The following MALRD1 variants were observed in gnomAD, a reference collection of about 807,000 sequenced individuals.
MALRD1 encodes MAM and LDL receptor class A domain containing 1.
MALRD1 carries 247 observed loss-of-function variants against 242.1 expected under a neutral mutation model. The observed-to-expected ratio is 1.02, with a 90% CI of 0.92 to 1.13. The LOEUF is 1.13. Among genes scored for constraint, MALRD1 ranks in the 50% most tolerant of loss-of-function variants. MALRD1 has a pLI of 0.00. For missense variants in MALRD1, 2,989 were observed against 2,533.1 expected, an observed-to-expected ratio of 1.18 and a Z score of -3.86; for synonymous variants, 995 against 866.6, an observed-to-expected ratio of 1.15 and a Z score of -2.60.
intron 28 of MALRD1, among the ~76,000 whole-genome samples, chr10:19,416,348 G>A (rs893254231): frequency 1.3e-5 from 2 of 152,132 alleles, no homozygotes; most frequent in African/African-American, 4.8e-5. Flanking sequence ...TATTCAATGT[G>A]GGAAGGGACT....
chr10:19,350,483 G>T (rs575808795), intron 25 of MALRD1, among the ~76,000 whole-genome samples: 5 of 151,894 alleles, frequency 3.3e-5, no homozygotes, highest in African/African-American at 1.2e-4. Context: ...CACCAAGTTG[G>T]CAAGGCTGGT....
chr10:19,606,159 A>G (rs74122019), intron 34 of MALRD1, among the ~76,000 whole-genome samples: 2,036 of 152,218 alleles, frequency 0.013, 34 homozygotes, highest in African/African-American at 0.047. Flanking sequence ...CTAACTCATA[A>G]TTATACTTGA....
chr10:19,368,143 T>C (rs754956468), intron 26 of MALRD1, among the ~76,000 whole-genome samples: 1 of 152,122 alleles, frequency 6.6e-6, no homozygotes, highest in African/African-American at 2.4e-5. Flanking sequence ...GTTTTATTTT[T>C]GTTTGTTTGT....
chr10:19,629,345 G>A (rs1839811759), intron 36 of MALRD1, among the ~76,000 whole-genome samples: 1 of 152,142 alleles, frequency 6.6e-6, no homozygotes, highest in African/African-American at 2.4e-5. Context: ...AAGATCTCTG[G>A]TATGACCTGA....
intron 34 of MALRD1, among the ~76,000 whole-genome samples, chr10:19,597,778 A>G (rs1330679273): frequency 6.6e-6 from 1 of 152,200 alleles, no homozygotes; most frequent in East Asian, 1.9e-4. Flanking sequence ...CTCGTGTTAG[A>G]AGGCACATAG....
chr10:19,304,657 T>C (rs1842092358), intron 21 of MALRD1, among the ~76,000 whole-genome samples: 1 of 151,778 alleles, frequency 6.6e-6, no homozygotes, highest in South Asian at 2.1e-4. Context: ...TTAACCTGCA[T>C]GTTGATTTGT....
At chr10:19,450,526 A>C in intron 29 of MALRD1, 36 bp downstream of exon 29, 3 of 1,511,390 alleles carry the variant, frequency 2.0e-6, no homozygotes, top group Non-Finnish European at 2.7e-6. Context: ...TTGGAAGCAC[A>C]TTTTTAATCT....
In MALRD1 at chr10:19,595,422, C is replaced by T. The variant is rs1309825314; in HGVS notation, c.5909C>T (p.Pro1970Leu). 1 of 1,550,178 alleles carries T rather than the reference C, an allele frequency of 6.5e-7. No individual in the cohort carries two copies. Among genetic ancestry groups the T allele is most frequent in the African/African-American group, 1.4e-5 (1 of 73,028 alleles). Reference sequence around the variant, plus strand: ...TCCCTCCTGCTATGCGATGGAGTGCCCGACTGCCACTTTAATGAAGATGAG... The same window carrying T: ...TCCCTCCTGCTATGCGATGGAGTGCTCGACTGCCACTTTAATGAAGATGAG... Reference protein sequence around the residue: ...IPSLLLCDGVPDCHFNEDELI... With the variant: ...IPSLLLCDGVLDCHFNEDELI... Residue 1970 changes from proline to leucine, a missense_variant, in exon 34 of 40, where the codon CCC becomes CTC. Coordinates refer to ENST00000454679, the MANE Select transcript of MALRD1 (RefSeq NM_001142308.3).
chr10:19,226,924 C>A (rs956156201), intron 18 of MALRD1, among the ~76,000 whole-genome samples: 1 of 151,692 alleles, frequency 6.6e-6, no homozygotes, highest in African/African-American at 2.4e-5. Flanking sequence ...TTATAATAGC[C>A]TCAAAAATAA....
intron 4 of MALRD1, among the ~76,000 whole-genome samples, chr10:19,095,571 G>T (rs750210620): frequency 3.3e-5 from 5 of 151,974 alleles, no homozygotes; most frequent in Non-Finnish European, 7.4e-5. Context: ...CTTGGATGTG[G>T]TAGGTACAAT....
intron 28 of MALRD1, among the ~76,000 whole-genome samples, chr10:19,416,724 C>T (rs947366657): frequency 2.6e-5 from 4 of 152,214 alleles, no homozygotes; most frequent in Non-Finnish European, 4.4e-5. Context: ...TTTCAAGTCT[C>T]ACCCTCTCAC....
chr10:19,171,495 CAT>C lies in MALRD1; in HGVS notation c.1831-3706_1831-3705del, dbSNP rs201134385. 9.6e-4 allele frequency among the ~76,000 whole-genome samples: 131 copies of C among 136,700 alleles called. 11 individuals carry two copies. The highest frequency in any genetic ancestry group is 3.6e-3 in the African/African-American group (123 of 33,816). The allele number at this position is 136,700 out of a possible 152,430, so 89.7% of individuals were successfully genotyped here. A position where few individuals can be genotyped will look rare whatever the true frequency, so the allele number is the denominator to read the frequency against. ...ATACACACACACATATATACACACA[CAT>C]ATATATGTGTCTATGTGTGTATATA... On this transcript the variant is annotated intron_variant, in intron 13 of 39. Transcript: ENST00000454679.
intron 14 of MALRD1, among the ~76,000 whole-genome samples, chr10:19,183,017 A>G (rs1055681498): frequency 6.6e-6 from 1 of 152,148 alleles, no homozygotes; most frequent in Non-Finnish European, 1.5e-5. Context: ...TAAAAGGAAA[A>G]TAAAAGATCA....
At chr10:19,148,050 C>G (rs1308316380) in intron 11 of MALRD1, among the ~76,000 whole-genome samples, 1 of 152,092 alleles carries the variant, frequency 6.6e-6, no homozygotes, top group Admixed American at 6.6e-5. Context: ...GATGGTGACC[C>G]AGGTAGTCAT....
chr10:19,615,936 G>T lies in MALRD1; in HGVS notation c.6137+13G>T. 2.0e-6 allele frequency: 3 copies of T among 1,477,748 alleles called. No homozygotes were observed. Among genetic ancestry groups the T allele is most frequent in the Non-Finnish European group, 2.7e-6 (3 of 1,118,952 alleles). The allele number at this position is 1,477,748 out of a possible 1,614,324, so 91.5% of individuals were successfully genotyped here. ...GTCCTATGTGTCGGTAAGAAGCATT[G>T]TTTAATTTTTTTTTTTAAGATTTTT... On this transcript the variant is annotated intron_variant, in intron 36 of 39. Transcript: ENST00000454679.
intron 28 of MALRD1, among the ~76,000 whole-genome samples, chr10:19,422,634 C>T (rs938538101): frequency 2.6e-5 from 4 of 152,128 alleles, no homozygotes; most frequent in Non-Finnish European, 4.4e-5. Flanking sequence ...AGAATACCCT[C>T]GACCTATGGT....
intron 28 of MALRD1, among the ~76,000 whole-genome samples, chr10:19,426,984 G>A (rs7094477): frequency 0.29 from 44,192 of 151,810 alleles, 8,387 homozygotes; most frequent in African/African-American, 0.54. Context: ...TTTCTTTTCC[G>A]TAATGACTGT....
rs150972735 is a variant in MALRD1, at chr10:19,085,027, G to A, written c.341-2813G>A. The stretch of plus-strand genomic sequence containing the variant: ...GGTGTAGAGATTAATAGAGATATAT[G>A]ATGATAATGGTGATTATGTGTTTGC... On this transcript the variant is annotated intron_variant, in intron 2 of 39. Transcript: ENST00000454679. 5.5e-3 allele frequency among the ~76,000 whole-genome samples: 829 copies of A among 151,934 alleles called. 4 individuals are homozygous for A. Among genetic ancestry groups the A allele is most frequent in the Non-Finnish European group, 8.7e-3 (592 of 67,900 alleles).
At chr10:19,622,445 TC>T (rs1287448543) in intron 36 of MALRD1, among the ~76,000 whole-genome samples, 1 of 151,580 alleles carries the variant, frequency 6.6e-6, no homozygotes, top group African/African-American at 2.4e-5. Flanking sequence ...ATAAAAACAA[TC>T]CAGAAGAACT....
Sources: gnomAD v4.1 joint callset for allele counts (sites outside exome capture counted in the v4.1 genomes callset) on GRCh38, gnomAD v4.1.1 for gene constraint, MANE v1.5 for transcripts, NCBI Gene and HGNC (gene_info 2026-07-23, HGNC 2026-07-21) for gene names.